INPP4B: variants seen among roughly 807,000 people sequenced by gnomAD.
INPP4B encodes inositol polyphosphate 4-phosphatase type II.
A neutral mutation model predicts 122.5 loss-of-function variants in INPP4B; 55 were observed. That is an observed-to-expected ratio of 0.45 (90% CI 0.36 to 0.56). The LOEUF is 0.56. Among genes scored for constraint, INPP4B ranks in the 20% least tolerant of loss-of-function variants. The pLI is 0.00. For synonymous variants in INPP4B, 403 were observed against 388.7 expected (o/e 1.04, Z -0.43); for missense variants, 1,000 against 1,097.7 (o/e 0.91, Z 1.26).
chr4:142,156,363 T>C (rs1183549516), intron 17 of INPP4B, among the ~76,000 whole-genome samples: 1 of 152,110 alleles, frequency 6.6e-6, no homozygotes, highest in Non-Finnish European at 1.5e-5. Context: ...AACTTAATAG[T>C]TTGGTTAAAT....
At chr4:142,226,202 T>C (rs1851507814) in intron 12 of INPP4B, among the ~76,000 whole-genome samples, 1 of 152,126 alleles carries the variant, frequency 6.6e-6, no homozygotes, top group Non-Finnish European at 1.5e-5. Flanking sequence ...ACTATAAAGT[T>C]TGAAGCACTA....
chr4:142,438,676 G>T (rs1464241543), intron 3 of INPP4B, among the ~76,000 whole-genome samples: 1 of 151,966 alleles, frequency 6.6e-6, no homozygotes, highest in Non-Finnish European at 1.5e-5. Flanking sequence ...CAAAACAACT[G>T]CAACAAAAGC....
intron 11 of INPP4B, among the ~76,000 whole-genome samples, chr4:142,251,362 T>A (rs28609136): frequency 0.012 from 1,894 of 152,300 alleles, 45 homozygotes; most frequent in African/African-American, 0.043. Flanking sequence ...AATTAACATT[T>A]AATGAATGAC....
At chr4:142,175,436 A>G (rs2152956657) in intron 15 of INPP4B, among the ~76,000 whole-genome samples, 1 of 152,266 alleles carries the variant, frequency 6.6e-6, no homozygotes, top group Non-Finnish European at 1.5e-5. Context: ...GATTAAAAGA[A>G]ATGCACTTTG....
At chr4:142,730,720 T>C (rs1765960209) in intron 1 of INPP4B, among the ~76,000 whole-genome samples, 1 of 152,238 alleles carries the variant, frequency 6.6e-6, no homozygotes, top group Admixed American at 6.5e-5. Context: ...TCCACAGATA[T>C]ATTTTAAGTT....
At chr4:142,517,101 C>A (rs1189097446) in intron 2 of INPP4B, among the ~76,000 whole-genome samples, 1 of 151,932 alleles carries the variant, frequency 6.6e-6, no homozygotes, top group Non-Finnish European at 1.5e-5. Flanking sequence ...ATAACCTTCA[C>A]AATTCCCACC....
chr4:142,768,746 G>T (rs1290387682), intron 1 of INPP4B, among the ~76,000 whole-genome samples: 1 of 152,104 alleles, frequency 6.6e-6, no homozygotes, highest in Non-Finnish European at 1.5e-5. Flanking sequence ...GAACAGCCAG[G>T]GGATCAAAAA....
chr4:142,607,378 C>T (rs1047139041), intron 2 of INPP4B, among the ~76,000 whole-genome samples: 6 of 152,064 alleles, frequency 3.9e-5, no homozygotes, highest in Non-Finnish European at 7.4e-5. Context: ...ACACTCTGAA[C>T]ATCCTCTAGT....
chr4:142,613,096 C>T (rs114935226), intron 2 of INPP4B, among the ~76,000 whole-genome samples: 1,773 of 152,152 alleles, frequency 0.012, 30 homozygotes, highest in African/African-American at 0.032. Flanking sequence ...CTTTGTACCA[C>T]GAGGGAGCAG....
chr4:142,556,717 A>G (rs1729271089), intron 2 of INPP4B, among the ~76,000 whole-genome samples: 1 of 151,156 alleles, frequency 6.6e-6, no homozygotes, highest in Admixed American at 6.6e-5. Flanking sequence ...AGGAAAAAAA[A>G]TGTTTTAAAT....
intron 2 of INPP4B, among the ~76,000 whole-genome samples, chr4:142,720,836 T>C (rs1764541191): frequency 8.4e-6 from 1 of 119,512 alleles, no homozygotes; most frequent in Non-Finnish European, 1.7e-5. Context: ...TATAGTTTTC[T>C]TATTTTTTAT....
At chr4:142,753,122 A>G (rs1769977627) in intron 1 of INPP4B, among the ~76,000 whole-genome samples, 1 of 152,128 alleles carries the variant, frequency 6.6e-6, no homozygotes, top group Non-Finnish European at 1.5e-5. Context: ...TTTTACTGAG[A>G]TGTAATGTTT....
intron 2 of INPP4B, among the ~76,000 whole-genome samples, chr4:142,525,332 C>T (rs1580284401): frequency 6.8e-6 from 1 of 147,508 alleles, no homozygotes; most frequent in East Asian, 2.0e-4. Context: ...TTTACAGATT[C>T]AATGCCATCC....
At chr4:142,077,221 AG>A (rs1260685878) in intron 25 of INPP4B, among the ~76,000 whole-genome samples, 2 of 151,950 alleles carry the variant, frequency 1.3e-5, no homozygotes, top group Non-Finnish European at 2.9e-5. Flanking sequence ...GGTGATACAT[AG>A]GTATATGCTG....
chr4:142,654,573 G>C (rs180998665), intron 2 of INPP4B: 1 of 152,028 alleles, frequency 6.6e-6, no homozygotes, highest in African/African-American at 2.4e-5. Flanking sequence ...ATTTCAAGAG[G>C]CTTGCTTGAT....
At chr4:142,394,354 C>T (rs1798674818) in intron 7 of INPP4B, among the ~76,000 whole-genome samples, 2 of 152,122 alleles carry the variant, frequency 1.3e-5, no homozygotes, top group African/African-American at 4.8e-5. Context: ...ACCGTGTTAG[C>T]CAGGATGGTC....
intron 12 of INPP4B, 54 bp downstream of exon 12, chr4:142,237,810 T>A (rs1003807255): frequency 8.2e-6 from 9 of 1,097,658 alleles, no homozygotes; most frequent in East Asian, 5.3e-5. Context: ...CAATTAAAAA[T>A]TTTTAAATGG....
At chr4:142,139,013 C>G (rs575834590) in intron 18 of INPP4B, among the ~76,000 whole-genome samples, 1 of 152,228 alleles carries the variant, frequency 6.6e-6, no homozygotes, top group South Asian at 2.1e-4. Flanking sequence ...TGTTTACTTC[C>G]TTTCCTAAGT....
At chr4:142,527,780 C>T (rs1270986499) in intron 2 of INPP4B, among the ~76,000 whole-genome samples, 1 of 151,782 alleles carries the variant, frequency 6.6e-6, no homozygotes, top group Non-Finnish European at 1.5e-5. Flanking sequence ...TTCAGGAGGT[C>T]TGTGAAGTCA....
Sources: gnomAD v4.1 joint callset for allele counts (sites outside exome capture counted in the v4.1 genomes callset) on GRCh38, gnomAD v4.1.1 for gene constraint, MANE v1.5 for transcripts, NCBI Gene and HGNC (gene_info 2026-07-23, HGNC 2026-07-21) for gene names.